RANBP3: variants seen among roughly 807,000 people sequenced by gnomAD.
RANBP3 encodes the protein RAN binding protein 3.
Under a neutral mutation model 77.3 loss-of-function variants are expected in RANBP3, and 14 were observed. The observed-to-expected ratio is 0.18, with a 90% CI of 0.12 to 0.28. The LOEUF (loss-of-function observed/expected upper bound fraction) is 0.28, where lower values mean the gene tolerates loss of function less well. RANBP3 is among the 10% of genes least tolerant of loss of function. The pLI is 1.00. For synonymous variants in RANBP3, 315 were observed against 312.4 expected (o/e 1.01, Z -0.09); for missense variants, 586 against 752.3 (o/e 0.78, Z 2.59).
rs956588318 is a variant in RANBP3, at chr19:5,972,753, C to T, written c.22+5308G>A. 2.0e-5 allele frequency among the ~76,000 whole-genome samples: 3 copies of T among 152,160 alleles called. No homozygotes were observed. The South Asian group carries it at 6.2e-4, about 32-fold the overall frequency. ...CGTAGGAGGGCAGAATTCAACCCCC[C>T]TTCTCCACCCCAAGCTCCTCCAAAT... On this transcript the variant is annotated intron_variant, in intron 1 of 16. Coordinates refer to ENST00000340578, the MANE Select transcript of RANBP3 (RefSeq NM_007322.3).
chr19:5,950,595 T>C (rs867099586), intron 3 of RANBP3: 18 of 152,252 alleles, frequency 1.2e-4, no homozygotes, highest in African/African-American at 3.9e-4. Context: ...GCTCAGGCGG[T>C]AGAGCTGGGT....
chr19:5,938,562 C>T (rs1488765186), intron 5 of RANBP3, among the ~76,000 whole-genome samples: 1 of 152,064 alleles, frequency 6.6e-6, no homozygotes, highest in East Asian at 1.9e-4. Context: ...CATGGTGGCA[C>T]ATGCCTGTAA....
chr19:5,974,088 G>T (rs1023592211), intron 1 of RANBP3, among the ~76,000 whole-genome samples: 2 of 152,090 alleles, frequency 1.3e-5, no homozygotes, highest in Non-Finnish European at 2.9e-5. Context: ...TGACGACCCC[G>T]CGAGTGAGGG....
chr19:5,943,248 G>A (rs1396008086), intron 3 of RANBP3, among the ~76,000 whole-genome samples: 1 of 152,204 alleles, frequency 6.6e-6, no homozygotes, highest in Non-Finnish European at 1.5e-5. Flanking sequence ...CGCCTGCCTC[G>A]ACGAGCTGCT....
intron 6 of RANBP3, chr19:5,932,750 C>A (rs1013900433): frequency 1.7e-6 from 1 of 574,038 alleles, no homozygotes; most frequent in African/African-American, 1.9e-5. Flanking sequence ...ACATGAAACT[C>A]CCAGTGACCG....
At chr19:5,923,699 T>C (rs2057859698) in intron 12 of RANBP3, 113 bp downstream of exon 12, 1 of 771,206 alleles carries the variant, frequency 1.3e-6, no homozygotes, top group East Asian at 2.7e-5. Flanking sequence ...ATGTGGTTGT[T>C]ACTGCTGCGG....
chr19:5,946,540 C>G (rs530238576), intron 3 of RANBP3, among the ~76,000 whole-genome samples: 233 of 152,326 alleles, frequency 1.5e-3, no homozygotes, highest in African/African-American at 5.2e-3. Flanking sequence ...AGGGGAACCT[C>G]CTGCCAGCAA....
chr19:5,944,474 C>T (rs1312528159), intron 3 of RANBP3, among the ~76,000 whole-genome samples: 1 of 152,240 alleles, frequency 6.6e-6, no homozygotes, highest in Non-Finnish European at 1.5e-5. Flanking sequence ...CCCACCCGGG[C>T]AGCCAAAACC....
At chr19:5,946,159 C>T (rs1205677632) in intron 3 of RANBP3, among the ~76,000 whole-genome samples, 3 of 152,218 alleles carry the variant, frequency 2.0e-5, no homozygotes, top group Non-Finnish European at 4.4e-5. Flanking sequence ...TTCATGCTCA[C>T]TCCCTATCCC....
rs1196043846 is a variant in RANBP3 at position 5,944,821 on chromosome 19, C to T, written c.283-2986G>A. 2.0e-5 allele frequency among the ~76,000 whole-genome samples: 3 copies of T among 152,358 alleles called. No homozygotes were observed. In the East Asian group the frequency reaches 5.8e-4, roughly 29 times the overall value. ...GACATCCCCACCCCCAAGTCCCATC[C>T]TGTGGCTCTAGACTTTTCTCTCCCC... is the stretch of plus-strand genomic sequence containing the variant. On this transcript the variant is annotated intron_variant, in intron 3 of 16. Coordinates refer to ENST00000340578, the MANE Select transcript of RANBP3 (RefSeq NM_007322.3).
At chr19:5,957,029 C>G (rs547374271) in intron 2 of RANBP3, among the ~76,000 whole-genome samples, 2 of 150,240 alleles carry the variant, frequency 1.3e-5, no homozygotes, top group Non-Finnish European at 3.0e-5. Flanking sequence ...TGGGGAGTGC[C>G]GCCGCTGGGC....
At chr19:5,927,203 G>A (rs866471184) in intron 9 of RANBP3, among the ~76,000 whole-genome samples, 4 of 152,112 alleles carry the variant, frequency 2.6e-5, no homozygotes, top group Admixed American at 2.0e-4. Context: ...GCTGACCCTG[G>A]TCTTCCTAGA....
chr19:5,923,794 GGT>G lies in RANBP3; in HGVS notation c.1099+16_1099+17del. ...TGACCTACCATGAGCCCCATGCTGT[GGT>G]GGGACGCTAACATACCTTTCTCAGG... is the stretch of plus-strand genomic sequence containing the variant. On this transcript the variant is annotated intron_variant, in intron 12 of 16. Transcript: ENST00000340578. 1 of 1,575,740 alleles carries G rather than the reference GGT, an allele frequency of 6.3e-7. No individual in the cohort carries two copies. Among genetic ancestry groups the G allele is most frequent in the Non-Finnish European group, 8.7e-7 (1 of 1,145,192 alleles).
rs545241907 is a variant in RANBP3, at chr19:5,924,492, C to G, written c.996+335G>C. 6.6e-6 allele frequency among the ~76,000 whole-genome samples: 1 copy of G among 152,370 alleles called. No individual in the cohort carries two copies. Among genetic ancestry groups the G allele is most frequent in the South Asian group, 2.1e-4 (1 of 4,830 alleles). ...TCCACCAGCACGGCTGGCTCCGTCC[C>G]ACAGGACTTTTGTCAGTTGGCCTGG... On this transcript the variant is annotated intron_variant, in intron 11 of 16. Coordinates refer to ENST00000340578, the MANE Select transcript of RANBP3 (RefSeq NM_007322.3). The surrounding 1 kb of genome is among the most constrained non-coding windows in gnomAD (Gnocchi z 4.7).
At chr19:5,949,155 A>C (rs1337654471) in intron 3 of RANBP3, among the ~76,000 whole-genome samples, 1 of 152,190 alleles carries the variant, frequency 6.6e-6, no homozygotes, top group African/African-American at 2.4e-5. Context: ...GACGGATGAG[A>C]CCTGCCGGGT....
intron 3 of RANBP3, among the ~76,000 whole-genome samples, chr19:5,950,373 T>G (rs59174308): frequency 6.6e-6 from 1 of 152,104 alleles, no homozygotes; most frequent in African/African-American, 2.4e-5. Flanking sequence ...GACTGTTGCT[T>G]CTTTTTCCAT....
chr19:5,921,122 C>A lies in RANBP3; in HGVS notation c.1330+79G>T. ...AAGGGTAGGGTCAGGATCTCCCCCG[C>A]TTCATTCCCTTTGGAATTGCATAGT... On this transcript the variant is annotated intron_variant, in intron 14 of 16. Coordinates refer to ENST00000340578, the MANE Select transcript of RANBP3 (RefSeq NM_007322.3). This position sits in a 1 kb window ranked among gnomAD's most constrained non-coding sequence, Gnocchi z 5.3. 6.6e-7 allele frequency: 1 copy of A among 1,513,522 alleles called. No homozygotes were observed. Among genetic ancestry groups the A allele is most frequent in the Non-Finnish European group, 8.9e-7 (1 of 1,122,914 alleles). 93.8% of individuals were successfully genotyped at this position (1,513,522 alleles called of 1,614,324 possible).
intron 3 of RANBP3, among the ~76,000 whole-genome samples, chr19:5,949,792 C>A (rs1049347660): frequency 6.6e-6 from 1 of 152,092 alleles, no homozygotes; most frequent in Admixed American, 6.5e-5. Flanking sequence ...AACATGTGGA[C>A]GAGGTGAGGC....
At chr19:5,970,398 T>C (rs1300558487) in intron 1 of RANBP3, among the ~76,000 whole-genome samples, 1 of 152,074 alleles carries the variant, frequency 6.6e-6, no homozygotes, top group Non-Finnish European at 1.5e-5. Context: ...ACGACCTCAG[T>C]AGGTTAGATA....
Sources: allele counts gnomAD v4.1 joint callset (sites outside exome capture counted in the v4.1 genomes callset), GRCh38; gene constraint gnomAD v4.1.1; non-coding constraint Gnocchi (gnomAD v3.1); transcripts MANE v1.5; gene names NCBI Gene and HGNC (gene_info 2026-07-23, HGNC 2026-07-21).